GRIK4: variants seen among roughly 807,000 people sequenced by gnomAD.
GRIK4 encodes glutamate receptor ionotropic, kainate 4.
GRIK4 carries 40 observed loss-of-function variants against 104.9 expected under a neutral mutation model. The ratio of observed to expected loss-of-function variants is 0.38; its 90% confidence interval spans 0.30 to 0.50. The LOEUF (loss-of-function observed/expected upper bound fraction) is 0.50, where lower values mean the gene tolerates loss of function less well. Among genes scored for constraint, GRIK4 ranks in the 20% least tolerant of loss-of-function variants. The pLI, the probability that GRIK4 is intolerant of heterozygous loss-of-function variation, is 0.93. For missense variants in GRIK4, 1,047 were observed against 1,308.1 expected (o/e 0.80, Z 3.08); for synonymous variants, 485 against 524.9 (o/e 0.92, Z 1.04).
chr11:120,530,715 A>T (rs1947914410), intron 1 of GRIK4, among the ~76,000 whole-genome samples: 1 of 152,178 alleles, frequency 6.6e-6, no homozygotes, highest in Non-Finnish European at 1.5e-5. Flanking sequence ...CAGAGGCCTA[A>T]GAAGGTTCTA....
chr11:120,943,195 C>T (rs1277613205), intron 14 of GRIK4, among the ~76,000 whole-genome samples: 1 of 151,320 alleles, frequency 6.6e-6, no homozygotes, highest in Admixed American at 6.6e-5. Context: ...TTCTGGCCTC[C>T]ACACTGAAGC....
chr11:120,886,587 C>T (rs890714147), intron 11 of GRIK4, among the ~76,000 whole-genome samples: 6 of 152,156 alleles, frequency 3.9e-5, no homozygotes, highest in African/African-American at 7.2e-5. Flanking sequence ...AGGAACCTAG[C>T]CCTGTATTTC....
chr11:120,778,594 A>AG (rs60200677), intron 3 of GRIK4, among the ~76,000 whole-genome samples: 51 of 152,364 alleles, frequency 3.3e-4, no homozygotes, highest in African/African-American at 1.2e-3. Context: ...ATAAAGCAAA[A>AG]GCTGACCTCA....
At chr11:120,840,788 G>A (rs923912085) in intron 8 of GRIK4, among the ~76,000 whole-genome samples, 8 of 152,066 alleles carry the variant, frequency 5.3e-5, no homozygotes, top group Admixed American at 5.2e-4. Flanking sequence ...GTTTAGTGGC[G>A]TTAATTATAT....
chr11:120,743,446 G>A (rs1951376027), intron 3 of GRIK4, among the ~76,000 whole-genome samples: 1 of 152,174 alleles, frequency 6.6e-6, no homozygotes, highest in Non-Finnish European at 1.5e-5. Context: ...GGAGAAGGGA[G>A]AGGAGTGGAA....
chr11:120,572,613 G>A (rs1002951684), intron 1 of GRIK4, among the ~76,000 whole-genome samples: 1 of 152,154 alleles, frequency 6.6e-6, no homozygotes, highest in Admixed American at 6.5e-5. Context: ...ACCTCCTAAA[G>A]CACTGCCTTT....
intron 1 of GRIK4, among the ~76,000 whole-genome samples, chr11:120,631,865 C>G (rs1671813860): frequency 6.6e-6 from 1 of 152,150 alleles, no homozygotes; most frequent in South Asian, 2.1e-4. Context: ...TCCATCTGCT[C>G]CAGAGACCCC....
At chr11:120,934,347 G>A (rs17124570) in intron 13 of GRIK4, among the ~76,000 whole-genome samples, 34,643 of 151,920 alleles carry the variant, frequency 0.23, 4,366 homozygotes, top group East Asian at 0.35. Flanking sequence ...TGCTGTCTTC[G>A]GATGCTCCCA....
intron 3 of GRIK4, among the ~76,000 whole-genome samples, chr11:120,785,343 C>G (rs1256432617): frequency 6.6e-6 from 1 of 152,148 alleles, no homozygotes. Context: ...GGACTATCTT[C>G]CTACCCAAAA....
At chr11:120,843,153 G>A (rs974257146) in intron 8 of GRIK4, among the ~76,000 whole-genome samples, 2 of 152,394 alleles carry the variant, frequency 1.3e-5, no homozygotes, top group South Asian at 4.1e-4. Context: ...AGGAGGCTGT[G>A]TGGTCTGCTG....
At chr11:120,745,770 C>A (rs528517491) in intron 3 of GRIK4, among the ~76,000 whole-genome samples, 31 of 152,290 alleles carry the variant, frequency 2.0e-4, no homozygotes, top group South Asian at 8.3e-4. Context: ...TATTTAGGGG[C>A]CAGGATGAAG....
intron 1 of GRIK4, among the ~76,000 whole-genome samples, chr11:120,631,566 CAGT>C (rs2135183653): frequency 6.6e-6 from 1 of 152,268 alleles, no homozygotes; most frequent in East Asian, 1.9e-4. Context: ...GCCCCCAGGA[CAGT>C]AGGCAGCACA....
chr11:120,573,964 C>G (rs542040677), intron 1 of GRIK4, among the ~76,000 whole-genome samples: 1 of 152,284 alleles, frequency 6.6e-6, no homozygotes, highest in Admixed American at 6.5e-5. Flanking sequence ...ACTCCAGGCT[C>G]GGGGCTGCTA....
chr11:120,838,386 C>T (rs976916578), intron 8 of GRIK4, among the ~76,000 whole-genome samples: 1 of 152,184 alleles, frequency 6.6e-6, no homozygotes, highest in Non-Finnish European at 1.5e-5. Flanking sequence ...CTATATGTTT[C>T]TAAGGCATTA....
intron 9 of GRIK4, among the ~76,000 whole-genome samples, chr11:120,865,627 C>A (rs1354531662): frequency 6.6e-6 from 1 of 152,214 alleles, no homozygotes; most frequent in African/African-American, 2.4e-5. Context: ...GAAAGGCACA[C>A]TCTCATTTTC....
In GRIK4 at chr11:120,953,242, A is replaced by T. The variant is rs1565459466; in HGVS notation, c.1700+278A>T. Among the ~76,000 whole-genome samples the T allele has an allele frequency of 6.6e-6, 1 of 151,372 alleles. No homozygotes were observed. Among genetic ancestry groups the T allele is most frequent in the Non-Finnish European group, 1.5e-5 (1 of 67,862 alleles). On this transcript the variant is annotated intron_variant, in intron 15 of 20. Coordinates refer to ENST00000527524, the MANE Select transcript of GRIK4 (RefSeq NM_014619.5). The surrounding 1 kb of genome is among the most constrained non-coding windows in gnomAD (Gnocchi z 4.9). Reference sequence around the variant, plus strand: ...CCTGTCCCCTCCCACTTCTCCCCAGACCCCCACCTAAGCCCCTTGCTTGTG... The same window carrying T: ...CCTGTCCCCTCCCACTTCTCCCCAGTCCCCCACCTAAGCCCCTTGCTTGTG...
intron 3 of GRIK4, among the ~76,000 whole-genome samples, chr11:120,690,949 C>T (rs1319599749): frequency 1.3e-5 from 2 of 152,142 alleles, no homozygotes; most frequent in Admixed American, 6.5e-5. Context: ...TTCATTTAAC[C>T]TCCCTTTATA....
At chr11:120,766,062 T>TC (rs1323669296) in intron 3 of GRIK4, among the ~76,000 whole-genome samples, 1 of 152,132 alleles carries the variant, frequency 6.6e-6, no homozygotes, top group Non-Finnish European at 1.5e-5. Context: ...AGCCGCCCCT[T>TC]CCCCCAGGTG....
Position 120,525,905 on chromosome 11 carries a change from C to T in GRIK4, c.-159+14018C>T, listed in dbSNP as rs1364532778. Among the ~76,000 whole-genome samples, 2 of 152,118 alleles carry T rather than the reference C, an allele frequency of 1.3e-5. 1 individual carries two copies. The highest frequency in any genetic ancestry group is 2.9e-5 in the Non-Finnish European group (2 of 68,040). On this transcript the variant is annotated intron_variant, in intron 1 of 20. Transcript: ENST00000527524. ...CATGTATCTGAAGCCTCTGTTTGCT[C>T]AGCAATAAAATGGGGACAATGAAAA...
Sources: allele counts gnomAD v4.1 joint callset (sites outside exome capture counted in the v4.1 genomes callset), GRCh38; gene constraint gnomAD v4.1.1; non-coding constraint Gnocchi (gnomAD v3.1); transcripts MANE v1.5; gene names NCBI Gene and HGNC (gene_info 2026-07-23, HGNC 2026-07-21).